DOCK3: variants seen among roughly 807,000 people sequenced by gnomAD.
DOCK3 encodes the protein dedicator of cytokinesis 3.
DOCK3 carries 60 observed loss-of-function variants against 265.6 expected under a neutral mutation model. The ratio of observed to expected loss-of-function variants is 0.23; its 90% CI spans 0.18 to 0.28. DOCK3 has a LOEUF of 0.28. DOCK3 is among the 10% of genes least tolerant of loss of function. The probability of loss-of-function intolerance (pLI) is 1.00; values close to 1 mark genes in which losing one functional copy is unlikely to be tolerated. For missense variants in DOCK3, 1,981 were observed against 2,594.3 expected (o/e 0.76, Z 5.14); for synonymous variants, 881 against 938.0 (o/e 0.94, Z 1.11).
chr3:50,770,715 A>C (rs747280699), intron 1 of DOCK3, among the ~76,000 whole-genome samples: 13 of 152,232 alleles, frequency 8.5e-5, no homozygotes, highest in Non-Finnish European at 1.5e-4. Context: ...CGCATAGACC[A>C]ATGGAACAGA....
chr3:51,287,500 G>T (rs1467355376), intron 27 of DOCK3, among the ~76,000 whole-genome samples: 2 of 152,186 alleles, frequency 1.3e-5, no homozygotes, highest in Non-Finnish European at 2.9e-5. Context: ...GCAGTGAGCT[G>T]ATTGTACCAC....
chr3:51,315,240 T>C, intron 32 of DOCK3, 112 bp downstream of exon 32: 1 of 1,313,792 alleles, frequency 7.6e-7, no homozygotes, highest in Non-Finnish European at 1.0e-6. Context: ...GTAGTTTGGC[T>C]AATTTGAATC....
chr3:50,696,141 T>G lies in DOCK3; in HGVS notation c.37+20841T>G, dbSNP rs148508727. On this transcript the variant is annotated intron_variant, in intron 1 of 52. Transcript: ENST00000266037. The stretch of plus-strand genomic sequence containing the variant: ...CATTAACTTTTAAAAATTTACTCCT[T>G]TTATAATTGGGGACCATAGCTCCTA... 8.8e-4 allele frequency among the ~76,000 whole-genome samples: 134 copies of G among 152,328 alleles called. 2 individuals are homozygous for G. The East Asian group carries it at 0.025, about 29-fold the overall frequency.
chr3:51,192,608 A>G (rs764815483), intron 12 of DOCK3, among the ~76,000 whole-genome samples: 5 of 152,124 alleles, frequency 3.3e-5, no homozygotes, highest in Non-Finnish European at 5.9e-5. Flanking sequence ...ATTCTACATC[A>G]CAGGAGACCT....
intron 14 of DOCK3, among the ~76,000 whole-genome samples, chr3:51,223,802 A>G (rs899359133): frequency 2.6e-5 from 4 of 152,198 alleles, no homozygotes; most frequent in African/African-American, 9.7e-5. Context: ...TTAAGTTTGG[A>G]TTTTACTTTC....
chr3:50,878,458 A>G (rs1006212765), intron 3 of DOCK3, among the ~76,000 whole-genome samples: 1 of 152,234 alleles, frequency 6.6e-6, no homozygotes, highest in African/African-American at 2.4e-5. Context: ...GCTGAAAACC[A>G]TGGCACGAGA....
rs527905489 is a variant in DOCK3, at chr3:51,037,761, A to T, written c.316-26687A>T. Among the ~76,000 whole-genome samples the T allele has an allele frequency of 3.9e-5, 6 of 152,310 alleles. No individual in the cohort carries two copies. The South Asian group carries it at 6.2e-4, about 16-fold the overall frequency. Reference sequence around the variant, plus strand: ...AAGGAATTGTGTTATGCCTTAGAAGACAGTCTTTAGAACTATCAGAAATAG... The same window carrying T: ...AAGGAATTGTGTTATGCCTTAGAAGTCAGTCTTTAGAACTATCAGAAATAG... On this transcript the variant is annotated intron_variant, in intron 5 of 52. Transcript: ENST00000266037.
At chr3:51,145,346 A>G (rs563566144) in intron 9 of DOCK3, among the ~76,000 whole-genome samples, 1 of 152,168 alleles carries the variant, frequency 6.6e-6, no homozygotes, top group African/African-American at 2.4e-5. Flanking sequence ...GTTATTTAGC[A>G]TTAGGTATAT....
At chr3:51,124,334 G>T (rs548898250) in intron 9 of DOCK3, among the ~76,000 whole-genome samples, 2 of 152,192 alleles carry the variant, frequency 1.3e-5, no homozygotes, top group African/African-American at 2.4e-5. Flanking sequence ...ATATATGGGG[G>T]GCATTATGGT....
At chr3:50,780,444 C>G (rs1233617308) in intron 2 of DOCK3, among the ~76,000 whole-genome samples, 1 of 152,072 alleles carries the variant, frequency 6.6e-6, no homozygotes, top group Non-Finnish European at 1.5e-5. Context: ...CTGGTGAGGG[C>G]CTTAGGAAGC....
chr3:50,908,176 A>AT (rs34822979), intron 4 of DOCK3, among the ~76,000 whole-genome samples: 3,152 of 103,034 alleles, frequency 0.031, 108 homozygotes, highest in African/African-American at 0.083. Context: ...AGATTCATTG[A>AT]TTTTTTTTTT....
intron 49 of DOCK3, among the ~76,000 whole-genome samples, chr3:51,366,045 T>C (rs1168289267): frequency 6.6e-6 from 1 of 152,224 alleles, no homozygotes; most frequent in East Asian, 1.9e-4. Flanking sequence ...TTGATTGGAA[T>C]TGTTTCAGAA....
At chr3:51,315,171 C>A in intron 32 of DOCK3, 43 bp downstream of exon 32, 1 of 1,542,016 alleles carries the variant, frequency 6.5e-7, no homozygotes, top group Non-Finnish European at 8.8e-7. Flanking sequence ...TGGAATGGAT[C>A]CCTTCTGCTT....
At chr3:51,319,757 C>G (rs1384458946) in intron 32 of DOCK3, among the ~76,000 whole-genome samples, 2 of 151,662 alleles carry the variant, frequency 1.3e-5, no homozygotes, top group African/African-American at 4.8e-5. Context: ...CCTAGCTACT[C>G]AAGAGGCTGA....
At chr3:51,186,695 G>C (rs2087623274) in intron 12 of DOCK3, among the ~76,000 whole-genome samples, 1 of 152,194 alleles carries the variant, frequency 6.6e-6, no homozygotes, top group Non-Finnish European at 1.5e-5. Context: ...ACCTAGCCTT[G>C]GTGCCCTGCA....
At chr3:51,118,459 C>T (rs1224970204) in intron 9 of DOCK3, among the ~76,000 whole-genome samples, 2 of 152,074 alleles carry the variant, frequency 1.3e-5, no homozygotes, top group Non-Finnish European at 2.9e-5. Context: ...AGAGTTCTGT[C>T]TATGTCTATT....
At chr3:51,208,356 T>C (rs2089331375) in intron 12 of DOCK3, among the ~76,000 whole-genome samples, 1 of 152,186 alleles carries the variant, frequency 6.6e-6, no homozygotes, top group Non-Finnish European at 1.5e-5. Flanking sequence ...ATAATGACAG[T>C]TGTATGACAG....
intron 2 of DOCK3, among the ~76,000 whole-genome samples, chr3:50,791,767 G>A (rs1193119115): frequency 6.6e-6 from 1 of 152,108 alleles, no homozygotes; most frequent in Non-Finnish European, 1.5e-5. Flanking sequence ...TGGGTGCTCT[G>A]TTGTTTTCCA....
intron 12 of DOCK3, among the ~76,000 whole-genome samples, chr3:51,176,580 C>T (rs767508281): frequency 1.3e-5 from 2 of 152,074 alleles, no homozygotes; most frequent in Non-Finnish European, 2.9e-5. Context: ...GAGCTGAGAT[C>T]GCTCCACTGC....
Sources: allele counts gnomAD v4.1 joint callset (sites outside exome capture counted in the v4.1 genomes callset), GRCh38; gene constraint gnomAD v4.1.1; transcripts MANE v1.5; gene names NCBI Gene and HGNC (gene_info 2026-07-23, HGNC 2026-07-21).